Variants in STX18 observed in about 807,000 individuals in gnomAD.
STX18 encodes the protein syntaxin-18.
Under a neutral mutation model 50.1 loss-of-function variants are expected in STX18, and 40 were observed. That is an observed-to-expected ratio of 0.80 (90% CI 0.62 to 1.04). The LOEUF (loss-of-function observed/expected upper bound fraction) is 1.04, where lower values mean the gene tolerates loss of function less well. STX18 is among the 50% of genes least tolerant of loss of function. The pLI is 0.00. For synonymous variants in STX18, 158 were observed against 151.8 expected (o/e 1.04, Z -0.30); for missense variants, 410 against 415.8 (o/e 0.99, Z 0.12).
intron 8 of STX18, 81 bp downstream of exon 8, chr4:4,425,083 G>C: frequency 7.5e-7 from 1 of 1,336,676 alleles, no homozygotes; most frequent in Non-Finnish European, 1.1e-6. Context: ...GGGATGCCTG[G>C]GCACCAAGGT....
chr4:4,496,160 A>C (rs1384616630), intron 1 of STX18, among the ~76,000 whole-genome samples: 1 of 152,230 alleles, frequency 6.6e-6, no homozygotes, highest in Non-Finnish European at 1.5e-5. Flanking sequence ...GAAGAAACTG[A>C]GTGTCAGAGG....
intron 3 of STX18, among the ~76,000 whole-genome samples, chr4:4,458,156 A>C (rs1727180776): frequency 6.6e-6 from 1 of 152,222 alleles, no homozygotes; most frequent in Non-Finnish European, 1.5e-5. Flanking sequence ...TACTGCTAGT[A>C]ATTACAATAG....
chr4:4,512,455 C>T (rs1730048467), intron 1 of STX18, among the ~76,000 whole-genome samples: 1 of 152,052 alleles, frequency 6.6e-6, no homozygotes, highest in Non-Finnish European at 1.5e-5. Context: ...GTACTGAAAC[C>T]ACTTGATTGA....
Position 4,450,665 on chromosome 4 carries a change from T to C in STX18, c.497+6526A>G, listed in dbSNP as rs183630419. ...TGTAACCACCCGCCTCTACCACCCCTCTCCATCCCTCTCCAGCACGGATCA... is the reference window on the plus strand; with the variant it reads ...TGTAACCACCCGCCTCTACCACCCCCCTCCATCCCTCTCCAGCACGGATCA... On this transcript the variant is annotated intron_variant, in intron 5 of 10. Transcript: ENST00000306200. Among the ~76,000 whole-genome samples, 325 of 152,212 alleles carry C rather than the reference T, an allele frequency of 2.1e-3. 6 individuals are homozygous for C. The highest frequency in any genetic ancestry group is 0.011 in the East Asian group (59 of 5,178).
rs559856021 is a variant in STX18 at position 4,428,996 on chromosome 4, G to A, written c.703-3774C>T. On this transcript the variant is annotated intron_variant, in intron 7 of 10. Transcript: ENST00000306200. Reference sequence around the variant, plus strand: ...CCCTGCATTGGCCCATCTGCTCTACGCTGTTACGGTCTCCTACCAAAACAC... The same window carrying A: ...CCCTGCATTGGCCCATCTGCTCTACACTGTTACGGTCTCCTACCAAAACAC... Among the ~76,000 whole-genome samples, 180 of 152,286 alleles carry A rather than the reference G, an allele frequency of 1.2e-3. 1 individual carries two copies. The highest frequency in any genetic ancestry group is 1.9e-4 in the Non-Finnish European group (13 of 68,024).
intron 1 of STX18, among the ~76,000 whole-genome samples, chr4:4,520,849 G>T (rs186633947): frequency 1.4e-4 from 21 of 152,284 alleles, no homozygotes; most frequent in African/African-American, 5.1e-4. Context: ...CCTGCCTAGT[G>T]AAATATATCT....
Position 4,420,544 on chromosome 4 carries a change from C to A in STX18, c.912+320G>T, listed in dbSNP as rs1724884050. The A allele has an allele frequency of 9.8e-6, 4 of 410,130 alleles. No individual in the cohort carries two copies. Among genetic ancestry groups the A allele is most frequent in the Admixed American group, 8.3e-5 (2 of 24,114 alleles). 25.4% of individuals were successfully genotyped at this position (410,130 alleles called of 1,614,324 possible). On this transcript the variant is annotated intron_variant, in intron 10 of 10. Coordinates refer to ENST00000306200, the MANE Select transcript of STX18 (RefSeq NM_016930.4). The surrounding 1 kb of genome is among the most constrained non-coding windows in gnomAD (Gnocchi z 4.3). Reference sequence around the variant, plus strand: ...CTGTAAGCAGGGGCCAGGCTCTGACCCCTCGGTGGGGGCCAACGAGCTACC... The same window carrying A: ...CTGTAAGCAGGGGCCAGGCTCTGACACCTCGGTGGGGGCCAACGAGCTACC...
intron 1 of STX18, among the ~76,000 whole-genome samples, chr4:4,484,063 CAT>C (rs1560187705): frequency 1.7e-4 from 26 of 152,224 alleles, no homozygotes; most frequent in African/African-American, 6.3e-4. Flanking sequence ...GGGGTTTCAC[CAT>C]GTTAGCCAGG....
At chr4:4,529,350 T>C (rs1730974535) in intron 1 of STX18, among the ~76,000 whole-genome samples, 1 of 151,858 alleles carries the variant, frequency 6.6e-6, no homozygotes, top group African/African-American at 2.4e-5. Flanking sequence ...CGAGACTCCG[T>C]CTCAAAAAAA....
At chr4:4,534,963 C>G (rs1327143381) in intron 1 of STX18, among the ~76,000 whole-genome samples, 2 of 152,364 alleles carry the variant, frequency 1.3e-5, no homozygotes, top group African/African-American at 2.4e-5. Flanking sequence ...AACCTCACCC[C>G]CTGACACTCT....
chr4:4,438,405 TCAGTGG>T lies in STX18; in HGVS notation c.596_601del (p.Ala199_Thr200del). The T allele has an allele frequency of 1.2e-6, 2 of 1,611,360 alleles. No individual in the cohort carries two copies. The highest frequency in any genetic ancestry group is 1.7e-6 in the Non-Finnish European group (2 of 1,178,780). Reference sequence around the variant, plus strand: ...ATCTCAATTCGTACCTGGACGTTCTTCAGTGGCAGGGTTTTCTTCAGAGTCTTTTGA... The same window carrying T: ...ATCTCAATTCGTACCTGGACGTTCTTCAGGGTTTTCTTCAGAGTCTTTTGA... On this transcript the variant is annotated inframe_deletion, in exon 6 of 11. Transcript: ENST00000306200.
chr4:4,525,976 G>A (rs1730731787), intron 1 of STX18, among the ~76,000 whole-genome samples: 1 of 152,156 alleles, frequency 6.6e-6, no homozygotes, highest in Admixed American at 6.6e-5. Flanking sequence ...CAAGGAAGGA[G>A]GCAAGAAGCT....
intron 1 of STX18, among the ~76,000 whole-genome samples, chr4:4,477,150 G>A (rs1248123884): frequency 2.0e-5 from 3 of 152,202 alleles, no homozygotes; most frequent in Non-Finnish European, 4.4e-5. Context: ...GGCTGAGGCA[G>A]GAGAATCACT....
intron 1 of STX18, among the ~76,000 whole-genome samples, chr4:4,529,481 C>A (rs1026059694): frequency 8.3e-5 from 12 of 144,108 alleles, no homozygotes; most frequent in Admixed American, 4.0e-4. Flanking sequence ...ATGTATGCAC[C>A]AAAATATGCT....
At chr4:4,449,630 A>G (rs1165017574) in intron 5 of STX18, among the ~76,000 whole-genome samples, 1 of 152,158 alleles carries the variant, frequency 6.6e-6, no homozygotes, top group African/African-American at 2.4e-5. Flanking sequence ...GCATCCTATT[A>G]GGTTGTGTGT....
intron 3 of STX18, among the ~76,000 whole-genome samples, 174 bp downstream of exon 3, chr4:4,459,197 TG>T (rs1727248226): frequency 6.6e-6 from 1 of 152,228 alleles, no homozygotes; most frequent in African/African-American, 2.4e-5. Context: ...ATACAGCCTT[TG>T]CAGTACTTTT....
intron 5 of STX18, among the ~76,000 whole-genome samples, chr4:4,456,695 G>T (rs906555690): frequency 2.5e-4 from 38 of 152,242 alleles, no homozygotes; most frequent in Non-Finnish European, 4.4e-4. Flanking sequence ...CAGGTGACCT[G>T]AGGACAGCCT....
chr4:4,537,273 C>G (rs1731388273), intron 1 of STX18, among the ~76,000 whole-genome samples: 1 of 152,200 alleles, frequency 6.6e-6, no homozygotes, highest in Non-Finnish European at 1.5e-5. Flanking sequence ...GACAGCCAGG[C>G]AGGCAAGGTG....
chr4:4,513,482 A>G (rs1730099727), intron 1 of STX18, among the ~76,000 whole-genome samples: 1 of 152,162 alleles, frequency 6.6e-6, no homozygotes, highest in African/African-American at 2.4e-5. Context: ...AGAGTCACAG[A>G]CTGCTTCGTG....
Sources: allele counts gnomAD v4.1 joint callset (sites outside exome capture counted in the v4.1 genomes callset), GRCh38; gene constraint gnomAD v4.1.1; non-coding constraint Gnocchi (gnomAD v3.1); transcripts MANE v1.5; gene names NCBI Gene and HGNC (gene_info 2026-07-23, HGNC 2026-07-21).